Variants in LRRC4C observed in about 807,000 individuals in gnomAD.
The protein encoded by LRRC4C is leucine-rich repeat-containing protein 4C.
Under a neutral mutation model 33.6 loss-of-function variants are expected in LRRC4C, and 5 were observed. The observed-to-expected ratio is 0.15, with a 90% CI of 0.08 to 0.31. LRRC4C has a LOEUF of 0.31. LRRC4C is among the 10% of genes least tolerant of loss of function. The pLI is 1.00. For missense variants in LRRC4C, 560 were observed against 796.7 expected (o/e 0.70, Z 3.58); for synonymous variants, 329 against 302.0 (o/e 1.09, Z -0.93).
intron 1 of LRRC4C, among the ~76,000 whole-genome samples, chr11:41,087,670 G>A (rs1377740066): frequency 6.6e-6 from 1 of 152,080 alleles, no homozygotes; most frequent in African/African-American, 2.4e-5. Context: ...TCTCAGTGCT[G>A]TAATTGTTAA....
chr11:40,153,211 C>T (rs1858371465), intron 5 of LRRC4C, among the ~76,000 whole-genome samples: 1 of 152,112 alleles, frequency 6.6e-6, no homozygotes, highest in African/African-American at 2.4e-5. Flanking sequence ...CAGTTTGGCT[C>T]ACAGGAAGCC....
chr11:40,759,217 G>A (rs6485229), intron 2 of LRRC4C, among the ~76,000 whole-genome samples: 97,848 of 145,990 alleles, frequency 0.67, 33,408 homozygotes, highest in African/African-American at 0.73. Context: ...ATATATAATC[G>A]TCCATATATT....
At position 40,114,812 on chromosome 11, in the gene LRRC4C, G is replaced by A. The variant is rs1242603224; in HGVS notation, c.1481C>T (p.Thr494Ile). The A allele has an allele frequency of 1.9e-6, 3 of 1,614,162 alleles. No homozygotes were observed. The highest frequency in any genetic ancestry group is 2.5e-6 in the Non-Finnish European group (3 of 1,180,026). Residue 494 changes from threonine to isoleucine, a missense_variant, in exon 7 of 7, where the codon ACA (threonine) becomes ATA (isoleucine). By Grantham distance (89) the Thr-to-Ile change is moderately conservative. This residue lies in a region of LRRC4C where 455 missense variants were observed against 643.8 expected (regional missense o/e 0.71). Coordinates refer to ENST00000528697, the MANE Select transcript of LRRC4C (RefSeq NM_001258419.2). ...WETTNVTTSL[T>I]PQSTRSTEKT... ...CTCTGTCGACCTTGTGCTCTGTGGTGTGAGAGAGGTGGTCACATTGGTGGT... is the reference window on the plus strand; with the variant it reads ...CTCTGTCGACCTTGTGCTCTGTGGTATGAGAGAGGTGGTCACATTGGTGGT...
At chr11:40,499,909 A>T (rs2138608509) in intron 3 of LRRC4C, among the ~76,000 whole-genome samples, 1 of 152,090 alleles carries the variant, frequency 6.6e-6, no homozygotes, top group East Asian at 1.9e-4. Flanking sequence ...AACTAATGAG[A>T]CCTAGGCCAG....
At chr11:40,261,384 A>G (rs1330981725) in intron 4 of LRRC4C, among the ~76,000 whole-genome samples, 1 of 152,162 alleles carries the variant, frequency 6.6e-6, no homozygotes, top group Non-Finnish European at 1.5e-5. Context: ...GGTAAGGGTT[A>G]TGTTTTGTCA....
chr11:40,330,866 G>A (rs761505325), intron 3 of LRRC4C, among the ~76,000 whole-genome samples: 13 of 152,092 alleles, frequency 8.5e-5, no homozygotes, highest in Non-Finnish European at 1.9e-4. Context: ...CTAGTTATTT[G>A]AAAATACAAG....
intron 1 of LRRC4C, among the ~76,000 whole-genome samples, chr11:41,245,167 A>C (rs1948401107): frequency 6.6e-6 from 1 of 152,198 alleles, no homozygotes; most frequent in African/African-American, 2.4e-5. Context: ...ATTAGCTAAA[A>C]TATATTGTCA....
At chr11:41,081,954 G>A (rs958731441) in intron 1 of LRRC4C, among the ~76,000 whole-genome samples, 2 of 152,070 alleles carry the variant, frequency 1.3e-5, no homozygotes, top group Admixed American at 6.6e-5. Context: ...TCTCCCTATG[G>A]GCAGCTGCTT....
chr11:41,299,819 G>T (rs1481937050), intron 1 of LRRC4C, among the ~76,000 whole-genome samples: 1 of 152,152 alleles, frequency 6.6e-6, no homozygotes, highest in East Asian at 1.9e-4. Flanking sequence ...TGTTTATGAA[G>T]ACTTGATAAC....
chr11:40,903,949 T>TA (rs910336963), intron 2 of LRRC4C, among the ~76,000 whole-genome samples: 1 of 151,840 alleles, frequency 6.6e-6, no homozygotes, highest in Non-Finnish European at 1.5e-5. Flanking sequence ...ATTTTAAAAT[T>TA]AAAAAATATA....
intron 1 of LRRC4C, among the ~76,000 whole-genome samples, chr11:41,369,520 C>T (rs1952666610): frequency 6.6e-6 from 1 of 151,064 alleles, no homozygotes; most frequent in Non-Finnish European, 1.5e-5. Context: ...CAAACCTGCA[C>T]ATGTACCCCT....
intron 2 of LRRC4C, among the ~76,000 whole-genome samples, chr11:40,758,219 G>C (rs193248594): frequency 2.0e-5 from 3 of 151,936 alleles, no homozygotes; most frequent in Non-Finnish European, 2.9e-5. Flanking sequence ...GCTTGTCTCC[G>C]AGGAGCTATG....
At chr11:40,349,676 T>G (rs1947299514) in intron 3 of LRRC4C, among the ~76,000 whole-genome samples, 1 of 152,194 alleles carries the variant, frequency 6.6e-6, no homozygotes, top group Non-Finnish European at 1.5e-5. Context: ...CTGTACTAAT[T>G]TACATTCCAA....
chr11:40,844,245 A>ATT (rs1953054509), intron 2 of LRRC4C, among the ~76,000 whole-genome samples: 1 of 122,706 alleles, frequency 8.1e-6, no homozygotes, highest in East Asian at 2.6e-4. Flanking sequence ...TAATAAAAAA[A>ATT]AAAAATACAA....
intron 1 of LRRC4C, among the ~76,000 whole-genome samples, chr11:41,414,211 C>T (rs1223903785): frequency 1.3e-5 from 2 of 152,100 alleles, no homozygotes; most frequent in East Asian, 3.9e-4. Context: ...GTGTTACTTC[C>T]TATGTTCCCG....
intron 3 of LRRC4C, among the ~76,000 whole-genome samples, chr11:40,426,030 T>C (rs201518398): frequency 2.4e-5 from 3 of 127,046 alleles, no homozygotes; most frequent in Non-Finnish European, 5.2e-5. Flanking sequence ...TTTTTTTTTT[T>C]TGAGACAGAG....
chr11:40,845,712 G>A (rs1363435635), intron 2 of LRRC4C, among the ~76,000 whole-genome samples: 2 of 152,014 alleles, frequency 1.3e-5, no homozygotes, highest in African/African-American at 2.4e-5. Context: ...GGGATTGCTG[G>A]GTCAAATGAT....
intron 1 of LRRC4C, among the ~76,000 whole-genome samples, chr11:41,376,993 A>T (rs1952960411): frequency 6.6e-6 from 1 of 152,124 alleles, no homozygotes; most frequent in African/African-American, 2.4e-5. Context: ...AAAATGGGTT[A>T]AATCTAACAT....
At chr11:40,584,349 TA>T (rs1565528826) in intron 3 of LRRC4C, among the ~76,000 whole-genome samples, 1 of 151,522 alleles carries the variant, frequency 6.6e-6, no homozygotes, top group African/African-American at 2.4e-5. Flanking sequence ...CAGACATTAC[TA>T]AATAGTTTTT....
Sources: gnomAD v4.1 joint callset for allele counts (sites outside exome capture counted in the v4.1 genomes callset) on GRCh38, gnomAD v4.1.1 for gene constraint, gnomAD v4.1.1 regional missense constraint, MANE v1.5 for transcripts, NCBI Gene and HGNC (gene_info 2026-07-23, HGNC 2026-07-21) for gene names.